PTPRM: variants seen among roughly 807,000 people sequenced by gnomAD.
PTPRM encodes receptor-type tyrosine-protein phosphatase mu.
In PTPRM, 47 loss-of-function variants were observed where a neutral mutation model predicts 186.7. That is an observed-to-expected ratio of 0.25 (90% CI 0.20 to 0.32). PTPRM has a LOEUF of 0.32. Ranked by LOEUF, PTPRM falls within the 10% of genes least tolerant of loss-of-function variation. The pLI, the probability that PTPRM is intolerant of heterozygous loss-of-function variation, is 1.00. For missense variants in PTPRM, 1,494 were observed against 1,865.0 expected, an observed-to-expected ratio of 0.80 and a Z score of 3.66; for synonymous variants, 668 against 674.9, an observed-to-expected ratio of 0.99 and a Z score of 0.16.
At chr18:7,626,938 A>G (rs1042758672) in intron 1 of PTPRM, among the ~76,000 whole-genome samples, 15 of 152,040 alleles carry the variant, frequency 9.9e-5, no homozygotes, top group Non-Finnish European at 1.9e-4. Context: ...TTTTGACACA[A>G]TTCCGTGGTT....
intron 23 of PTPRM, chr18:8,364,812 GC>G (rs1175276849): frequency 4.6e-5 from 7 of 152,046 alleles, no homozygotes; most frequent in African/African-American, 7.3e-5. Flanking sequence ...ACATTATGGT[GC>G]CCCCAACTTA....
intron 5 of PTPRM, among the ~76,000 whole-genome samples, chr18:7,937,715 T>C (rs192115454): frequency 1.7e-4 from 26 of 152,350 alleles, no homozygotes; most frequent in African/African-American, 6.0e-4. Flanking sequence ...AGTTGCAGAA[T>C]GGTCTAGGTC....
intron 1 of PTPRM, among the ~76,000 whole-genome samples, chr18:7,583,846 G>T (rs943393326): frequency 2.6e-5 from 4 of 152,114 alleles, no homozygotes; most frequent in Non-Finnish European, 4.4e-5. Flanking sequence ...GTGGTCTTAG[G>T]GAGAAAATGC....
At chr18:8,032,664 A>C (rs2086057551) in intron 7 of PTPRM, among the ~76,000 whole-genome samples, 1 of 152,160 alleles carries the variant, frequency 6.6e-6, no homozygotes, top group Non-Finnish European at 1.5e-5. Flanking sequence ...AAATAAATTG[A>C]AACAGAAGCA....
chr18:8,244,406 C>CAG (rs2094458982), intron 15 of PTPRM, among the ~76,000 whole-genome samples, 197 bp downstream of exon 15: 1 of 152,144 alleles, frequency 6.6e-6, no homozygotes, highest in East Asian at 1.9e-4. Flanking sequence ...AGGACCAGAT[C>CAG]AGAGAGTCCA....
rs143353562 is a variant in PTPRM at position 7,675,245 on chromosome 18, CCTT to C, written c.74-98900_74-98898del. On this transcript the variant is annotated intron_variant, in intron 1 of 32. Coordinates refer to ENST00000580170, the MANE Select transcript of PTPRM (RefSeq NM_001105244.2). ...AGATTTTTGTTTTCGTTAGGGCCTT[CCTT>C]CTTTAATGTTTTAAAAACATTATTT... Among the ~76,000 whole-genome samples, 693 of 152,252 alleles carry C rather than the reference CCTT, an allele frequency of 4.6e-3. 6 individuals carry two copies. The highest frequency in any genetic ancestry group is 0.016 in the African/African-American group (656 of 41,530).
intron 2 of PTPRM, among the ~76,000 whole-genome samples, chr18:7,801,834 A>G: frequency 6.6e-6 from 1 of 152,166 alleles, no homozygotes; most frequent in East Asian, 1.9e-4. Context: ...ATTGGCTGAA[A>G]TGCTGTTGTG....
intron 14 of PTPRM, among the ~76,000 whole-genome samples, chr18:8,193,867 A>T (rs2093740872): frequency 6.6e-6 from 1 of 152,246 alleles, no homozygotes; most frequent in African/African-American, 2.4e-5. Flanking sequence ...TTCTTAAAGT[A>T]CTGTGTGTTT....
intron 5 of PTPRM, among the ~76,000 whole-genome samples, chr18:7,934,039 T>C (rs2146885079): frequency 6.6e-6 from 1 of 152,358 alleles, no homozygotes. Flanking sequence ...AAAAACTTTC[T>C]TGCCGTGGCA....
At chr18:7,801,786 A>G (rs528798867) in intron 2 of PTPRM, among the ~76,000 whole-genome samples, 93 of 152,226 alleles carry the variant, frequency 6.1e-4, no homozygotes, top group African/African-American at 2.1e-3. Flanking sequence ...CAGCTCCCTT[A>G]AAGTCTTATG....
intron 6 of PTPRM, among the ~76,000 whole-genome samples, chr18:7,952,013 A>G (rs1384480613): frequency 6.6e-6 from 1 of 152,152 alleles, no homozygotes. Flanking sequence ...TCTCATCTTT[A>G]TTCATGTCTA....
chr18:7,723,781 G>C (rs919016133), intron 1 of PTPRM, among the ~76,000 whole-genome samples: 3 of 152,146 alleles, frequency 2.0e-5, no homozygotes, highest in Non-Finnish European at 4.4e-5. Flanking sequence ...TCCCCTGGGG[G>C]CGCGGGCTGG....
At chr18:8,139,405 G>T (rs1279850567) in intron 13 of PTPRM, among the ~76,000 whole-genome samples, 1 of 152,124 alleles carries the variant, frequency 6.6e-6, no homozygotes, top group Non-Finnish European at 1.5e-5. Context: ...CTGCATCTTC[G>T]TAATAGCCTC....
intron 1 of PTPRM, among the ~76,000 whole-genome samples, chr18:7,672,721 C>G (rs535020948): frequency 3.9e-5 from 6 of 152,214 alleles, no homozygotes; most frequent in Admixed American, 2.6e-4. Flanking sequence ...GGGCGACTCT[C>G]TCTGTGCAAC....
intron 5 of PTPRM, 68 bp downstream of exon 5, chr18:7,926,751 A>C (rs1487102833): frequency 8.9e-7 from 1 of 1,129,138 alleles, no homozygotes; most frequent in Non-Finnish European, 1.3e-6. Context: ...CTGGAGGAGG[A>C]ACCCAGAGAA....
At chr18:8,241,061 C>T (rs556581804) in intron 14 of PTPRM, among the ~76,000 whole-genome samples, 343 of 152,284 alleles carry the variant, frequency 2.3e-3, no homozygotes, top group African/African-American at 7.7e-3. Context: ...GGCGCAGTGG[C>T]TCATGCCTGT....
At chr18:8,025,775 G>A (rs2085532652) in intron 7 of PTPRM, among the ~76,000 whole-genome samples, 1 of 152,194 alleles carries the variant, frequency 6.6e-6, no homozygotes, top group Non-Finnish European at 1.5e-5. Flanking sequence ...AGGATTTGAA[G>A]ATGGGAGGAG....
chr18:7,798,354 C>T (rs532766951), intron 2 of PTPRM, among the ~76,000 whole-genome samples: 1 of 152,064 alleles, frequency 6.6e-6, no homozygotes, highest in Non-Finnish European at 1.5e-5. Context: ...CATGGTGAAA[C>T]CCTGTCTCTA....
chr18:8,057,453 T>C (rs2088090102), intron 7 of PTPRM, among the ~76,000 whole-genome samples: 1 of 136,418 alleles, frequency 7.3e-6, no homozygotes, highest in Admixed American at 7.1e-5. Flanking sequence ...TTTTTAGCTA[T>C]TCTTTTTTTT....
Sources: gnomAD v4.1 joint callset for allele counts (sites outside exome capture counted in the v4.1 genomes callset) on GRCh38, gnomAD v4.1.1 for gene constraint, MANE v1.5 for transcripts, NCBI Gene and HGNC (gene_info 2026-07-23, HGNC 2026-07-21) for gene names.